The following KCNJ6 variants were observed in gnomAD, a reference collection of about 807,000 sequenced individuals.
KCNJ6 encodes the protein potassium inwardly rectifying channel subfamily J member 6, also known as G protein-activated inward rectifier potassium channel 2.
In KCNJ6, 9 loss-of-function variants were observed where a neutral mutation model predicts 34.2. That is an observed-to-expected ratio of 0.26 (90% confidence interval 0.16 to 0.46). KCNJ6 has a LOEUF of 0.46. Ranked by LOEUF, KCNJ6 falls within the 20% of genes least tolerant of loss-of-function variation. KCNJ6 has a pLI of 1.00. For missense variants in KCNJ6, 236 were observed against 531.3 expected (o/e 0.44, Z 5.46); for synonymous variants, 196 against 207.1 (o/e 0.95, Z 0.46).
chr21:37,679,451 G>A (rs1483334204), intron 3 of KCNJ6, among the ~76,000 whole-genome samples: 1 of 152,204 alleles, frequency 6.6e-6, no homozygotes, highest in Non-Finnish European at 1.5e-5. Flanking sequence ...TTATAGAGGA[G>A]CAGTAAGGAT....
intron 1 of KCNJ6, among the ~76,000 whole-genome samples, chr21:37,867,151 T>A (rs116610162): frequency 0.019 from 2,834 of 152,354 alleles, 86 homozygotes; most frequent in African/African-American, 0.065. Flanking sequence ...ATTTATATGA[T>A]TTCCTTATTA....
chr21:37,691,267 A>AG (rs1224788224), intron 3 of KCNJ6, among the ~76,000 whole-genome samples: 4 of 152,170 alleles, frequency 2.6e-5, no homozygotes, highest in Non-Finnish European at 5.9e-5. Flanking sequence ...GCTCAGGTGT[A>AG]GGGGGGCCTC....
rs1421942280 is a variant in KCNJ6, at chr21:37,618,279, T to A, written c.*6880A>T. The A allele has an allele frequency of 6.6e-6, 1 of 152,224 alleles. No individual in the cohort carries two copies. Among genetic ancestry groups the A allele is most frequent in the Non-Finnish European group, 1.5e-5 (1 of 68,034 alleles). 9.4% of individuals were successfully genotyped at this position (152,224 alleles called of 1,614,324 possible). On this transcript the variant is annotated 3_prime_UTR_variant, in exon 4 of 4. Transcript: ENST00000609713. The stretch of plus-strand genomic sequence containing the variant: ...TTGATCGAGTTCTACTAGTTGTGTT[T>A]AGTGATAAGACCCAAGACTGACATA...
At position 37,723,988 on chromosome 21, in the gene KCNJ6, A is replaced by C. The variant is rs538295781; in HGVS notation, c.26-8857T>G. Reference sequence around the variant, plus strand: ...ATGTGTAAAAGTCTTTAAAGGCATGAAACAACTTTGGTTGGGAGTGGCACA... The same window carrying C: ...ATGTGTAAAAGTCTTTAAAGGCATGCAACAACTTTGGTTGGGAGTGGCACA... On this transcript the variant is annotated intron_variant, in intron 2 of 3. Transcript: ENST00000609713. Among the ~76,000 whole-genome samples, 30 of 152,232 alleles carry C rather than the reference A, an allele frequency of 2.0e-4. 1 individual carries two copies. In the South Asian group the frequency reaches 2.3e-3, roughly 12 times the overall value.
At chr21:37,626,334 G>A (rs1313249012) in intron 3 of KCNJ6, among the ~76,000 whole-genome samples, 1 of 152,018 alleles carries the variant, frequency 6.6e-6, no homozygotes, top group East Asian at 1.9e-4. Context: ...GAGTTTCATC[G>A]TGTTGCCCAG....
chr21:37,784,229 T>G lies in KCNJ6; in HGVS notation c.25+56429A>C. 1.3e-5 allele frequency among the ~76,000 whole-genome samples: 2 copies of G among 152,198 alleles called. 1 individual carries two copies. Among genetic ancestry groups the G allele is most frequent in the East Asian group, 3.8e-4 (2 of 5,196 alleles). On this transcript the variant is annotated intron_variant, in intron 2 of 3. Transcript: ENST00000609713. ...CAATAGGGCACCGATTTTTCCAAAC[T>G]GTGTGCCCGGCTGCACGAGTCTTGC...
chr21:37,612,174 A>T lies in KCNJ6; in HGVS notation c.*12985T>A, dbSNP rs893081243. On this transcript the variant is annotated 3_prime_UTR_variant, in exon 4 of 4. Coordinates refer to ENST00000609713, the MANE Select transcript of KCNJ6 (RefSeq NM_002240.5). The stretch of plus-strand genomic sequence containing the variant: ...GGATTATAGCAAGATTTTAGGATTC[A>T]AAGTTAATATACAAAGTCAATTGTT... The T allele has an allele frequency of 2.0e-5, 3 of 152,246 alleles. No homozygotes were observed. The highest frequency in any genetic ancestry group is 4.8e-5 in the African/African-American group (2 of 41,476). The allele number at this position is 152,246 out of a possible 1,614,324, so 9.4% of individuals were successfully genotyped here. A position where few individuals can be genotyped will look rare whatever the true frequency, so the allele number is the denominator to read the frequency against.
intron 2 of KCNJ6, among the ~76,000 whole-genome samples, chr21:37,724,589 C>T (rs1279013250): frequency 6.6e-6 from 1 of 152,106 alleles, no homozygotes; most frequent in Non-Finnish European, 1.5e-5. Flanking sequence ...AGGAGAATGA[C>T]CCAATGGCGG....
chr21:37,778,747 T>C (rs762437349), intron 2 of KCNJ6, among the ~76,000 whole-genome samples: 5 of 151,522 alleles, frequency 3.3e-5, no homozygotes, highest in Non-Finnish European at 7.4e-5. Flanking sequence ...TCTGTTTGAA[T>C]CAAGACAACA....
intron 1 of KCNJ6, among the ~76,000 whole-genome samples, chr21:37,853,846 G>A (rs8128804): frequency 0.014 from 1,574 of 115,728 alleles, 21 homozygotes; most frequent in Non-Finnish European, 0.015. Context: ...ATATATATAT[G>A]TATATATATA....
intron 2 of KCNJ6, among the ~76,000 whole-genome samples, chr21:37,814,694 C>G (rs541425757): frequency 6.6e-6 from 1 of 151,964 alleles, no homozygotes; most frequent in Non-Finnish European, 1.5e-5. Context: ...GTCAAGAGAT[C>G]GAGGCCATCC....
intron 3 of KCNJ6, among the ~76,000 whole-genome samples, chr21:37,704,223 C>T (rs1397464363): frequency 3.0e-5 from 4 of 133,190 alleles, no homozygotes; most frequent in Admixed American, 7.7e-5. Context: ...TCGGACCTCA[C>T]GAATCCTTAA....
intron 3 of KCNJ6, among the ~76,000 whole-genome samples, chr21:37,677,955 AT>A (rs34612820): frequency 0.88 from 134,006 of 151,736 alleles, 59,923 homozygotes; most frequent in Non-Finnish European, 0.95. Flanking sequence ...AAAGGCAAGC[AT>A]TTGGAATTGC....
At chr21:37,825,746 T>G (rs2055396018) in intron 2 of KCNJ6, among the ~76,000 whole-genome samples, 1 of 152,148 alleles carries the variant, frequency 6.6e-6, no homozygotes, top group African/African-American at 2.4e-5. Flanking sequence ...TCCATGTGGC[T>G]GGGGAGGCCT....
At chr21:37,865,395 T>A (rs570697847) in intron 1 of KCNJ6, among the ~76,000 whole-genome samples, 1 of 152,210 alleles carries the variant, frequency 6.6e-6, no homozygotes, top group Non-Finnish European at 1.5e-5. Context: ...TGTCCCATCA[T>A]GTCCACCCCC....
At chr21:37,818,612 A>G (rs969853667) in intron 2 of KCNJ6, among the ~76,000 whole-genome samples, 44 of 152,170 alleles carry the variant, frequency 2.9e-4, no homozygotes, top group Non-Finnish European at 7.3e-5. Flanking sequence ...CTCCATAACG[A>G]TAAGACTCGT....
intron 1 of KCNJ6, among the ~76,000 whole-genome samples, chr21:37,906,416 G>C (rs2055841823): frequency 6.6e-6 from 1 of 152,182 alleles, no homozygotes; most frequent in African/African-American, 2.4e-5. Flanking sequence ...TTGTGTCTGG[G>C]TTCCTCCTTA....
rs1213628326 is a variant in KCNJ6, at chr21:37,656,501, A to C, written c.947-31017T>G. Among the ~76,000 whole-genome samples the C allele has an allele frequency of 2.0e-5, 3 of 152,158 alleles. No individual in the cohort carries two copies. The South Asian group carries it at 6.2e-4, about 32-fold the overall frequency. Reference sequence around the variant, plus strand: ...ATGGTGGCCCCCCACCCAGGCTCACATGTGGTACTCTAACCTCTGAGGTGG... The same window carrying C: ...ATGGTGGCCCCCCACCCAGGCTCACCTGTGGTACTCTAACCTCTGAGGTGG... On this transcript the variant is annotated intron_variant, in intron 3 of 3. Transcript: ENST00000609713.
At chr21:37,781,539 T>C (rs146419276) in intron 2 of KCNJ6, among the ~76,000 whole-genome samples, 48 of 152,230 alleles carry the variant, frequency 3.2e-4, no homozygotes, top group African/African-American at 1.1e-3. Context: ...ACAACAATTA[T>C]GAAAATTATG....
Sources: allele counts gnomAD v4.1 joint callset (sites outside exome capture counted in the v4.1 genomes callset), GRCh38; gene constraint gnomAD v4.1.1; transcripts MANE v1.5; gene names NCBI Gene and HGNC (gene_info 2026-07-23, HGNC 2026-07-21).